The following MAP2 variants were observed in gnomAD, a reference collection of about 807,000 sequenced individuals.
MAP2 encodes the protein microtubule associated protein 2.
MAP2 carries 14 observed loss-of-function variants against 137.6 expected under a neutral mutation model. The observed-to-expected ratio is 0.10, with a 90% CI of 0.07 to 0.16. MAP2 has a LOEUF of 0.16. MAP2 is among the 10% of genes least tolerant of loss of function. The pLI is 1.00. For synonymous variants in MAP2, 786 were observed against 782.3 expected, an observed-to-expected ratio of 1.00 and a Z score of -0.08; for missense variants, 2,088 against 2,191.5, an observed-to-expected ratio of 0.95 and a Z score of 0.94.
chr2:209,571,902 T>TTG (rs1399836402), intron 2 of MAP2, among the ~76,000 whole-genome samples: 1 of 151,920 alleles, frequency 6.6e-6, no homozygotes, highest in African/African-American at 2.4e-5. Context: ...TACCATCCCA[T>TTG]TGGCTTTACC....
In MAP2 at chr2:209,705,264, T is replaced by G. The variant is rs916999756; in HGVS notation, c.4585-316T>G. 2.8e-5 allele frequency: 5 copies of G among 179,236 alleles called. No homozygotes were observed. The South Asian group carries it at 6.3e-4, about 22-fold the overall frequency. The allele number at this position is 179,236 out of a possible 1,614,324, so 11.1% of individuals were successfully genotyped here. A position where few individuals can be genotyped will look rare whatever the true frequency, so the allele number is the denominator to read the frequency against. On this transcript the variant is annotated intron_variant, in intron 11 of 15. Coordinates refer to ENST00000682079, the MANE Select transcript of MAP2 (RefSeq NM_001375505.1). ...CTTTCTGATTAATAAATTATCATGC[T>G]AATGAAGATTTTTCAATAAAATTAG...
Position 209,705,744 on chromosome 2 carries a change from T to C in MAP2, c.4732+17T>C. 1 of 1,607,530 alleles carries C rather than the reference T, an allele frequency of 6.2e-7. No individual in the cohort carries two copies. The highest frequency in any genetic ancestry group is 8.5e-7 in the Non-Finnish European group (1 of 1,176,374). ...GGACCACCAGTAGGTTTATTTTGAT[T>C]TGAATTCCTTTTTAAGCACTTTTTA... is the stretch of plus-strand genomic sequence containing the variant. On this transcript the variant is annotated intron_variant, in intron 12 of 15. Transcript: ENST00000682079.
chr2:209,559,398 C>T (rs2071444844), intron 2 of MAP2, among the ~76,000 whole-genome samples: 2 of 149,478 alleles, frequency 1.3e-5, no homozygotes, highest in Non-Finnish European at 1.5e-5. Context: ...CTTTGGGAGG[C>T]CGAGGCAGGC....
At chr2:209,634,945 A>T (rs1003660070) in intron 4 of MAP2, among the ~76,000 whole-genome samples, 17 of 152,196 alleles carry the variant, frequency 1.1e-4, no homozygotes, top group African/African-American at 3.6e-4. Context: ...AAAAATAAAA[A>T]TTAGCTAGGA....
rs58681596 is a variant in MAP2, at chr2:209,674,621, A to AGATGGATG, written c.263-3918_263-3911dup. On this transcript the variant is annotated intron_variant, in intron 5 of 15. Transcript: ENST00000682079. ...TCAGTAATCCCCTAAATATATAGAT[A>AGATGGATG]GATGGATGGATGGATGGATGGATGG... Among the ~76,000 whole-genome samples the AGATGGATG allele has an allele frequency of 7.2e-3, 1,081 of 150,702 alleles. 5 individuals are homozygous for AGATGGATG. The highest frequency in any genetic ancestry group is 0.019 in the African/African-American group (789 of 40,818).
At chr2:209,584,438 G>A (rs1228992609) in intron 3 of MAP2, among the ~76,000 whole-genome samples, 4 of 152,078 alleles carry the variant, frequency 2.6e-5, no homozygotes, top group Non-Finnish European at 4.4e-5. Context: ...TGTATCATAC[G>A]AAATGGCTAA....
intron 4 of MAP2, among the ~76,000 whole-genome samples, chr2:209,635,288 A>G (rs2093454422): frequency 6.6e-6 from 1 of 152,180 alleles, no homozygotes; most frequent in African/African-American, 2.4e-5. Flanking sequence ...AAAAATAAAT[A>G]TTTGTACTTT....
chr2:209,716,797 C>T (rs1230590400), intron 13 of MAP2, among the ~76,000 whole-genome samples: 2 of 152,042 alleles, frequency 1.3e-5, no homozygotes, highest in Admixed American at 1.3e-4. Context: ...GTATATAGCA[C>T]CATTTCATTT....
intron 4 of MAP2, among the ~76,000 whole-genome samples, chr2:209,634,400 T>TCCAC (rs1324308906): frequency 3.9e-5 from 6 of 152,192 alleles, no homozygotes; most frequent in Non-Finnish European, 1.5e-5. Flanking sequence ...AGTTGAAACG[T>TCCAC]TGTTTGTCCT....
intron 4 of MAP2, among the ~76,000 whole-genome samples, chr2:209,648,121 T>A (rs908752182): frequency 6.8e-6 from 1 of 146,584 alleles, no homozygotes; most frequent in Admixed American, 6.7e-5. Context: ...TTTTTTTTTT[T>A]AACGCAGTCT....
intron 3 of MAP2, among the ~76,000 whole-genome samples, chr2:209,604,237 T>C (rs2083904200): frequency 6.6e-6 from 1 of 152,160 alleles, no homozygotes; most frequent in African/African-American, 2.4e-5. Flanking sequence ...TCCAAGTAGT[T>C]ACTGAGGTGT....
At chr2:209,527,638 G>A (rs1421693501) in intron 2 of MAP2, among the ~76,000 whole-genome samples, 1 of 152,108 alleles carries the variant, frequency 6.6e-6, no homozygotes, top group South Asian at 2.1e-4. Flanking sequence ...GTGTGGCTGT[G>A]CCCTCTTAGA....
intron 4 of MAP2, among the ~76,000 whole-genome samples, chr2:209,643,638 G>A (rs764132398): frequency 6.6e-6 from 1 of 152,138 alleles, no homozygotes; most frequent in South Asian, 2.1e-4. Flanking sequence ...GTAAATGTTC[G>A]AAAGACGATT....
chr2:209,680,923 G>T (rs565060973), intron 7 of MAP2, 96 bp downstream of exon 7: 4 of 840,362 alleles, frequency 4.8e-6, no homozygotes, highest in Non-Finnish European at 7.6e-6. Context: ...TGGTTAGTAT[G>T]TGACCAAGCT....
At chr2:209,705,411 A>C in intron 11 of MAP2, 169 bp from the exon 12 acceptor site, 1 of 447,396 alleles carries the variant, frequency 2.2e-6, no homozygotes, top group Non-Finnish European at 3.7e-6. Flanking sequence ...GCAAATATGC[A>C]CTCTTTCTAA....
At chr2:209,721,351 A>T (rs2070829665) in intron 13 of MAP2, among the ~76,000 whole-genome samples, 1 of 152,230 alleles carries the variant, frequency 6.6e-6, no homozygotes, top group Admixed American at 6.5e-5. Context: ...AAGCTATTGC[A>T]TATGGAAATA....
chr2:209,490,207 C>G (rs1038292730), intron 1 of MAP2, among the ~76,000 whole-genome samples: 1 of 152,106 alleles, frequency 6.6e-6, no homozygotes, highest in Non-Finnish European at 1.5e-5. Context: ...GAAATAAAAT[C>G]CTTTGCAGAC....
chr2:209,714,908 T>C (rs932478282), intron 13 of MAP2, among the ~76,000 whole-genome samples: 1 of 152,228 alleles, frequency 6.6e-6, no homozygotes, highest in Non-Finnish European at 1.5e-5. Flanking sequence ...TAGTCTTCTT[T>C]GTTTGCCTTA....
intron 3 of MAP2, among the ~76,000 whole-genome samples, chr2:209,606,075 T>TG (rs34284009): frequency 0.072 from 10,950 of 151,630 alleles, 706 homozygotes; most frequent in African/African-American, 0.18. Flanking sequence ...CACGTTATGA[T>TG]GGGGGGGGTG....
Sources: allele counts gnomAD v4.1 joint callset (sites outside exome capture counted in the v4.1 genomes callset), GRCh38; gene constraint gnomAD v4.1.1; transcripts MANE v1.5; gene names NCBI Gene and HGNC (gene_info 2026-07-23, HGNC 2026-07-21).